The following HUNK variants were observed in gnomAD, a reference collection of about 807,000 sequenced individuals.
The protein encoded by HUNK is hormonally up-regulated Neu-associated kinase.
A neutral mutation model predicts 61.0 loss-of-function variants in HUNK; 21 were observed. The observed-to-expected ratio is 0.34, with a 90% confidence interval of 0.24 to 0.50. The LOEUF is 0.50. HUNK is among the 20% of genes least tolerant of loss of function. HUNK has a pLI of 0.98. For missense variants in HUNK, 772 were observed against 945.7 expected (o/e 0.82, Z 2.41); for synonymous variants, 371 against 386.1 (o/e 0.96, Z 0.46).
chr21:31,885,169 AAG>A (rs1239255599), intron 1 of HUNK, among the ~76,000 whole-genome samples: 41 of 152,208 alleles, frequency 2.7e-4, no homozygotes, highest in Non-Finnish European at 2.9e-5. Flanking sequence ...GTTGAGAAGA[AAG>A]AGAAAGGGGG....
intron 1 of HUNK, among the ~76,000 whole-genome samples, chr21:31,906,872 C>A (rs893757497): frequency 6.6e-6 from 1 of 152,140 alleles, no homozygotes; most frequent in African/African-American, 2.4e-5. Flanking sequence ...AGCTGTTGAA[C>A]ACTTGAAATG....
intron 5 of HUNK, among the ~76,000 whole-genome samples, chr21:31,961,481 T>C (rs1304415616): frequency 6.6e-6 from 1 of 152,216 alleles, no homozygotes; most frequent in Non-Finnish European, 1.5e-5. Flanking sequence ...CAAGCCTCTT[T>C]TTCAGAGTGG....
intron 4 of HUNK, among the ~76,000 whole-genome samples, chr21:31,947,766 CA>C (rs547034212): frequency 2.1e-3 from 320 of 152,298 alleles, no homozygotes; most frequent in Non-Finnish European, 3.6e-3. Context: ...AGGGTCAGTT[CA>C]GAGTCTTGGA....
Position 31,974,600 on chromosome 21 carries a change from C to T in HUNK, c.1056C>T (p.Thr352=), listed in dbSNP as rs199996026. The change falls in exon 7 of 11, where the codon ACC becomes ACT. Residue 352 remains threonine (T), a synonymous_variant. Transcript: ENST00000270112. ...DLSPSVVLHM[T]EKLGYKNSDV... The stretch of plus-strand genomic sequence containing the variant: ...GCCCGAGCGTCGTGCTGCACATGAC[C>T]GAGAAGCTGGGTTACAAGAACAGCG... 9.9e-6 allele frequency: 16 copies of T among 1,613,662 alleles called. No individual in the cohort carries two copies. The highest frequency in any genetic ancestry group is 2.2e-5 in the South Asian group (2 of 91,034).
Position 31,902,320 on chromosome 21 carries a change from G to T in HUNK, c.262-22148G>T, listed in dbSNP as rs1022556959. ...GAGGTTGGGAGTTCGAGAGCAGCCT[G>T]ACCAACATGGAGAAACCCCATCTCT... On this transcript the variant is annotated intron_variant, in intron 1 of 10. Transcript: ENST00000270112. 7.9e-5 allele frequency among the ~76,000 whole-genome samples: 12 copies of T among 152,156 alleles called. No individual in the cohort carries two copies. In the East Asian group the frequency reaches 2.3e-3, roughly 29 times the overall value.
intron 1 of HUNK, among the ~76,000 whole-genome samples, chr21:31,891,395 A>G (rs1010519345): frequency 2.0e-5 from 3 of 152,222 alleles, no homozygotes; most frequent in Non-Finnish European, 4.4e-5. Flanking sequence ...AAACAAAAAG[A>G]AAAGAAACAG....
intron 4 of HUNK, among the ~76,000 whole-genome samples, chr21:31,947,929 C>G (rs1445533894): frequency 6.6e-6 from 1 of 152,214 alleles, no homozygotes; most frequent in Non-Finnish European, 1.5e-5. Flanking sequence ...TTCATATTCA[C>G]TGTAACCCCC....
chr21:31,958,253 C>T (rs539304339), intron 4 of HUNK, among the ~76,000 whole-genome samples: 13 of 151,940 alleles, frequency 8.6e-5, no homozygotes, highest in East Asian at 7.8e-4. Context: ...GGTCCCCTTC[C>T]GGGTCTTCAC....
At chr21:31,988,768 T>A (rs1187979951) in intron 8 of HUNK, among the ~76,000 whole-genome samples, 1 of 148,928 alleles carries the variant, frequency 6.7e-6, no homozygotes, top group Middle Eastern at 3.2e-3. Context: ...CCTCCCTCCC[T>A]CCTTTCTCTC....
chr21:31,917,909 G>T (rs1257958971), intron 1 of HUNK, among the ~76,000 whole-genome samples: 1 of 152,066 alleles, frequency 6.6e-6, no homozygotes, highest in Non-Finnish European at 1.5e-5. Flanking sequence ...TTATTTTACT[G>T]CCATTTGATA....
intron 1 of HUNK, among the ~76,000 whole-genome samples, chr21:31,892,609 A>G (rs900669770): frequency 6.6e-6 from 1 of 151,832 alleles, no homozygotes. Context: ...AAAAAAAAGA[A>G]ATGGTAGTTG....
intron 5 of HUNK, among the ~76,000 whole-genome samples, chr21:31,961,219 A>G (rs1393071842): frequency 1.3e-5 from 2 of 150,094 alleles, no homozygotes; most frequent in Admixed American, 6.6e-5. Context: ...TTCCCTTGAG[A>G]TAATCTGAGC....
chr21:31,983,376 C>T, intron 7 of HUNK, 150 bp from the exon 8 acceptor site: 1 of 646,450 alleles, frequency 1.5e-6, no homozygotes. Context: ...GCAGGCCTTC[C>T]TGGGGTGAGA....
intron 1 of HUNK, among the ~76,000 whole-genome samples, chr21:31,878,588 A>T (rs551457176): frequency 6.6e-6 from 1 of 152,302 alleles, no homozygotes; most frequent in African/African-American, 2.4e-5. Flanking sequence ...CACAAAAATT[A>T]GCTGGGTGTG....
At position 31,999,471 on chromosome 21, in the gene HUNK, T is replaced by C. The variant is rs1436594709; in HGVS notation, c.*287T>C. 1 of 388,400 alleles carries C rather than the reference T, an allele frequency of 2.6e-6. No individual in the cohort carries two copies. The highest frequency in any genetic ancestry group is 4.6e-6 in the Non-Finnish European group (1 of 217,622). 24.1% of individuals were successfully genotyped at this position (388,400 alleles called of 1,614,324 possible). On this transcript the variant is annotated 3_prime_UTR_variant, in exon 11 of 11. Coordinates refer to ENST00000270112, the MANE Select transcript of HUNK (RefSeq NM_014586.2). Reference sequence around the variant, plus strand: ...CTTCCACTTCCCACTTCCCCCAGGCTTGGGGGGAAAACAGGGCATGAGCCT... The same window carrying C: ...CTTCCACTTCCCACTTCCCCCAGGCCTGGGGGGAAAACAGGGCATGAGCCT...
chr21:31,952,431 T>G (rs1478965777), intron 4 of HUNK, among the ~76,000 whole-genome samples: 4 of 152,216 alleles, frequency 2.6e-5, no homozygotes, highest in Non-Finnish European at 5.9e-5. Context: ...CCTGTCCACA[T>G]GCCCCTTAAG....
chr21:31,960,832 C>G (rs1601399540), intron 5 of HUNK, among the ~76,000 whole-genome samples: 1 of 152,162 alleles, frequency 6.6e-6, no homozygotes, highest in Non-Finnish European at 1.5e-5. Flanking sequence ...GGTTGGGACA[C>G]AGCCAAACCA....
At chr21:31,885,967 G>A (rs140057797) in intron 1 of HUNK, among the ~76,000 whole-genome samples, 21 of 152,102 alleles carry the variant, frequency 1.4e-4, no homozygotes, top group African/African-American at 4.3e-4. Context: ...TCCTGACCTC[G>A]TGATCCACCC....
intron 1 of HUNK, among the ~76,000 whole-genome samples, chr21:31,913,343 G>A (rs112952172): frequency 3.3e-5 from 5 of 152,072 alleles, no homozygotes; most frequent in African/African-American, 1.2e-4. Flanking sequence ...GAGACAGGAG[G>A]CAGAGAGATT....
Sources: gnomAD v4.1 joint callset for allele counts (sites outside exome capture counted in the v4.1 genomes callset) on GRCh38, gnomAD v4.1.1 for gene constraint, MANE v1.5 for transcripts, NCBI Gene and HGNC (gene_info 2026-07-23, HGNC 2026-07-21) for gene names.